The following PRKDC variants were observed in gnomAD, a reference collection of about 807,000 sequenced individuals.
PRKDC encodes DNA-dependent protein kinase catalytic subunit.
In PRKDC, 82 loss-of-function variants were observed where a neutral mutation model predicts 486.9. The observed-to-expected ratio is 0.17, with a 90% CI of 0.14 to 0.20. The LOEUF (loss-of-function observed/expected upper bound fraction) is 0.20, where lower values mean the gene tolerates loss of function less well. PRKDC is among the 10% of genes least tolerant of loss of function. PRKDC has a pLI of 1.00. For missense variants in PRKDC, 4,504 were observed against 5,038.2 expected (o/e 0.89, Z 3.21); for synonymous variants, 1,895 against 1,837.0 (o/e 1.03, Z -0.81).
intron 26 of PRKDC, among the ~76,000 whole-genome samples, chr8:47,903,041 A>G (rs998587961): frequency 1.3e-5 from 2 of 152,222 alleles, no homozygotes; most frequent in Non-Finnish European, 2.9e-5. Flanking sequence ...CTGAAAAGCC[A>G]TGAAGAGGGG....
Position 47,859,768 on chromosome 8 carries a change from T to A in PRKDC, c.6059-9A>T. 1 of 1,602,302 alleles carries A rather than the reference T, an allele frequency of 6.2e-7. No homozygotes were observed. Among genetic ancestry groups the A allele is most frequent in the Admixed American group, 1.7e-5 (1 of 58,984 alleles). ...CATATAGGAAGGACCATCTGAAATA[T>A]AAAAAAGGAGAAAATTACATGTATT... On this transcript the variant is annotated splice_polypyrimidine_tract_variant and intron_variant, in intron 45 of 85. Transcript: ENST00000314191.
chr8:47,871,775 GA>G (rs1169391705), intron 40 of PRKDC, among the ~76,000 whole-genome samples: 1 of 151,914 alleles, frequency 6.6e-6, no homozygotes, highest in Non-Finnish European at 1.5e-5. Flanking sequence ...ATTTTTAGTA[GA>G]GACAGGGTTT....
At chr8:47,941,099 C>T (rs183250612) in intron 10 of PRKDC, among the ~76,000 whole-genome samples, 80 of 148,142 alleles carry the variant, frequency 5.4e-4, no homozygotes, top group African/African-American at 1.8e-3. Context: ...TACTGCACTC[C>T]AGCCTGGGTG....
intron 14 of PRKDC, among the ~76,000 whole-genome samples, chr8:47,934,501 C>T (rs866132321): frequency 5.9e-5 from 9 of 152,232 alleles, no homozygotes; most frequent in African/African-American, 2.2e-4. Context: ...TGCCACTGCA[C>T]TCCAGCCTGG....
chr8:47,854,587 G>T (rs1055779146), intron 50 of PRKDC, among the ~76,000 whole-genome samples: 1 of 151,990 alleles, frequency 6.6e-6, no homozygotes, highest in Non-Finnish European at 1.5e-5. Flanking sequence ...TAATCCGCCC[G>T]CCTCGGCCTC....
In PRKDC at chr8:47,881,432, A is replaced by T; in HGVS notation, c.5051T>A (p.Leu1684Gln). Residue 1684 changes from leucine to glutamine, a missense_variant, in exon 38 of 86, where the codon CTG becomes CAG. Physicochemically the swap from Leu to Gln is moderately radical, Grantham distance 113 (BLOSUM62 -2). Coordinates refer to ENST00000314191, the MANE Select transcript of PRKDC (RefSeq NM_006904.7). ...TYISLLADTK[L>Q]DLHLKGQAVT... Reference sequence around the variant, plus strand: ...ACTGTTTACCTTTAAATGTAGATCCAGCTTTGTGTCAGCAAGTAGACTAAT... The same window carrying T: ...ACTGTTTACCTTTAAATGTAGATCCTGCTTTGTGTCAGCAAGTAGACTAAT... 1 of 1,547,496 alleles carries T rather than the reference A, an allele frequency of 6.5e-7. No homozygotes were observed. The highest frequency in any genetic ancestry group is 8.9e-7 in the Non-Finnish European group (1 of 1,122,904).
Position 47,927,353 on chromosome 8 carries a change from T to C in PRKDC, c.2260A>G (p.Met754Val). ...TAGCTCAGGCCCAGTTTGAAAGCCA[T>C]CTGTATGTTAATACAAACAAGTTAA... ...DVRAYVPALQ[M>V]AFKLGLSYTP... Residue 754 changes from methionine to valine, a missense_variant and splice_region_variant, in exon 21 of 86, where the codon ATG becomes GTG. Coordinates refer to ENST00000314191, the MANE Select transcript of PRKDC (RefSeq NM_006904.7). The C allele has an allele frequency of 1.2e-6, 2 of 1,608,550 alleles. No homozygotes were observed. Among genetic ancestry groups the C allele is most frequent in the Non-Finnish European group, 1.7e-6 (2 of 1,178,442 alleles).
At position 47,933,190 on chromosome 8, in the gene PRKDC, C is replaced by G. The variant is rs2090287011; in HGVS notation, c.1624-18G>C. ...ATAGAATCCTTTAAATAAAGAAAAA[C>G]AATAAACTTCAAAATCTTGTGCAAA... On this transcript the variant is annotated intron_variant, in intron 15 of 85. Transcript: ENST00000314191. 6.9e-7 allele frequency: 1 copy of G among 1,450,844 alleles called. No homozygotes were observed. The highest frequency in any genetic ancestry group is 1.5e-5 in the African/African-American group (1 of 67,950). The allele number at this position is 1,450,844 out of a possible 1,614,324, so 89.9% of individuals were successfully genotyped here. A position where few individuals can be genotyped will look rare whatever the true frequency, so the allele number is the denominator to read the frequency against.
intron 85 of PRKDC, among the ~76,000 whole-genome samples, chr8:47,776,628 TG>T (rs1288245810): frequency 2.6e-5 from 4 of 152,236 alleles, no homozygotes; most frequent in African/African-American, 9.6e-5. Context: ...AGTTTAAACC[TG>T]AAGACAGTGC....
In PRKDC at chr8:47,943,281, T is replaced by C; in HGVS notation, c.894A>G (p.Leu298=). 1 of 1,612,830 alleles carries C rather than the reference T, an allele frequency of 6.2e-7. No homozygotes were observed. Among genetic ancestry groups the C allele is most frequent in the South Asian group, 1.1e-5 (1 of 90,708 alleles). The change falls in exon 10 of 86, where the codon TTA becomes TTG. Residue 298 remains leucine (L), a synonymous_variant. Coordinates refer to ENST00000314191, the MANE Select transcript of PRKDC (RefSeq NM_006904.7). ...CTACATTTGTGTGGGCACACCACTT[T>C]AACAAGACTTCAAATAGAGACACGT... The part of the protein sequence containing the change: ...DNYVSLFEVL[L]KWCAHTNVEL...
chr8:47,859,359 G>A (rs550880945), intron 46 of PRKDC, among the ~76,000 whole-genome samples: 2 of 152,104 alleles, frequency 1.3e-5, no homozygotes, highest in African/African-American at 2.4e-5. Context: ...CTCCCCGGGA[G>A]TGCACCTCAG....
chr8:47,891,300 G>C (rs949805541), intron 31 of PRKDC, among the ~76,000 whole-genome samples: 3 of 152,124 alleles, frequency 2.0e-5, no homozygotes, highest in Non-Finnish European at 2.9e-5. Context: ...TAAGTCTCAT[G>C]GTTTCTAATT....
chr8:47,863,729 T>A (rs1288796207), intron 41 of PRKDC, among the ~76,000 whole-genome samples, 152 bp from the exon 42 acceptor site: 1 of 152,168 alleles, frequency 6.6e-6, no homozygotes, highest in Non-Finnish European at 1.5e-5. Flanking sequence ...AGCATGCAAT[T>A]GTCCAGGTCT....
chr8:47,791,041 T>C (rs2086874322), intron 74 of PRKDC, among the ~76,000 whole-genome samples: 1 of 152,126 alleles, frequency 6.6e-6, no homozygotes, highest in Non-Finnish European at 1.5e-5. Flanking sequence ...CACAGGCACA[T>C]GCAACCAAAT....
intron 72 of PRKDC, 144 bp from the exon 73 acceptor site, chr8:47,798,541 A>C: frequency 1.2e-6 from 1 of 850,550 alleles, no homozygotes; most frequent in Non-Finnish European, 1.7e-6. Context: ...TACACCAACA[A>C]ACACCAGGTA....
intron 60 of PRKDC, among the ~76,000 whole-genome samples, chr8:47,831,413 G>C (rs531614709): frequency 9.8e-5 from 15 of 152,338 alleles, no homozygotes; most frequent in South Asian, 2.1e-4. Flanking sequence ...CCGCGGCTAC[G>C]GAGTCTCCAC....
intron 10 of PRKDC, among the ~76,000 whole-genome samples, chr8:47,942,568 C>T (rs1188365679): frequency 6.6e-6 from 1 of 152,176 alleles, no homozygotes; most frequent in Non-Finnish European, 1.5e-5. Context: ...TACTGTTTAC[C>T]CATGTACAGC....
rs8178157 is a variant in PRKDC at position 47,855,051 on chromosome 8, G to A, written c.6761+171C>T. ...GGAGGGCAGGGCCACTGGAGGGTGCGAGACACGCATCTGGTGCCACACTCT... is the reference window on the plus strand; with the variant it reads ...GGAGGGCAGGGCCACTGGAGGGTGCAAGACACGCATCTGGTGCCACACTCT... On this transcript the variant is annotated intron_variant, in intron 50 of 85. Transcript: ENST00000314191. Among the ~76,000 whole-genome samples the A allele has an allele frequency of 3.3e-3, 508 of 152,292 alleles. 2 individuals are homozygous for A. The highest frequency in any genetic ancestry group is 0.012 in the African/African-American group (489 of 41,550).
At chr8:47,777,930 C>T (rs976500175) in intron 83 of PRKDC, 56 bp from the exon 84 acceptor site, 29 of 1,518,500 alleles carry the variant, frequency 1.9e-5, no homozygotes, top group African/African-American at 8.2e-5. Flanking sequence ...CTCAAAGTAC[C>T]GAGCACAAAT....
Sources: gnomAD v4.1 joint callset for allele counts (sites outside exome capture counted in the v4.1 genomes callset) on GRCh38, gnomAD v4.1.1 for gene constraint, MANE v1.5 for transcripts, NCBI Gene and HGNC (gene_info 2026-07-23, HGNC 2026-07-21) for gene names.